The following NFIX variants were observed in gnomAD, a reference collection of about 807,000 sequenced individuals.
NFIX encodes the protein nuclear factor 1 X-type.
NFIX carries 2 observed loss-of-function variants against 53.3 expected under a neutral mutation model. That is an observed-to-expected ratio of 0.04 (90% CI 0.02 to 0.12). The LOEUF (loss-of-function observed/expected upper bound fraction) is 0.12. Ranked by LOEUF, NFIX falls within the 10% of genes least tolerant of loss-of-function variation. NFIX has a pLI of 1.00. For synonymous variants in NFIX, 244 were observed against 289.0 expected, an observed-to-expected ratio of 0.84 and a Z score of 1.58; for missense variants, 310 against 674.5, an observed-to-expected ratio of 0.46 and a Z score of 5.99.
Position 13,036,284 on chromosome 19 carries a change from G to A in NFIX, c.559+10732G>A, listed in dbSNP as rs1039890867. The stretch of plus-strand genomic sequence containing the variant: ...TCCTTTCTTAAAATGGGGGGATGAA[G>A]CGTCAGTCATGCTTCCAGGATTTAT... On this transcript the variant is annotated intron_variant, in intron 2 of 10. Coordinates refer to ENST00000592199, the MANE Select transcript of NFIX (RefSeq NM_001365902.3). The surrounding 1 kb of genome is among the most constrained non-coding windows in gnomAD (Gnocchi z 4.7). Among the ~76,000 whole-genome samples, 3 of 152,234 alleles carry A rather than the reference G, an allele frequency of 2.0e-5. No individual in the cohort carries two copies. Among genetic ancestry groups the A allele is most frequent in the Admixed American group, 2.0e-4 (3 of 15,286 alleles).
chr19:13,000,588 C>T (rs1249411809), intron 1 of NFIX, among the ~76,000 whole-genome samples: 1 of 151,960 alleles, frequency 6.6e-6, no homozygotes, highest in African/African-American at 2.4e-5. Context: ...GACGAGGCCT[C>T]CACTGTTCCA....
At chr19:13,086,180 A>G (rs998659913) in intron 8 of NFIX, among the ~76,000 whole-genome samples, 1 of 152,170 alleles carries the variant, frequency 6.6e-6, no homozygotes, top group South Asian at 2.1e-4. Flanking sequence ...TGGGAAGTGC[A>G]GAGGGGCGGT....
At chr19:13,035,726 T>G (rs1357406168) in intron 2 of NFIX, among the ~76,000 whole-genome samples, 1 of 152,174 alleles carries the variant, frequency 6.6e-6, no homozygotes, top group African/African-American at 2.4e-5. Flanking sequence ...CGCAGATCCA[T>G]GTTAGTTCTT....
rs2018026031 is a variant in NFIX, at chr19:13,089,808, G to T, written c.1403-491G>T. ...GGAAGGCCTTCCCGAAGCAGGGTGG[G>T]GCCGGACTGCCAAAGCCTCCACCCT... On this transcript the variant is annotated intron_variant, in intron 9 of 10. Coordinates refer to ENST00000592199, the MANE Select transcript of NFIX (RefSeq NM_001365902.3). The surrounding 1 kb of genome is among the most constrained non-coding windows in gnomAD (Gnocchi z 4.8). Among the ~76,000 whole-genome samples, 1 of 152,156 alleles carries T rather than the reference G, an allele frequency of 6.6e-6. No individual in the cohort carries two copies. The highest frequency in any genetic ancestry group is 6.5e-5 in the Admixed American group (1 of 15,288).
rs2012565394 is a variant in NFIX at position 13,014,806 on chromosome 19, G to C, written c.28-10215G>C. Among the ~76,000 whole-genome samples, 1 of 152,222 alleles carries C rather than the reference G, an allele frequency of 6.6e-6. No individual in the cohort carries two copies. Among genetic ancestry groups the C allele is most frequent in the South Asian group, 2.1e-4 (1 of 4,832 alleles). ...GGCCAGTGGCTGAGCACGGCCTGGA[G>C]AGATGTGGGAGTTGGGGAAAGGACT... On this transcript the variant is annotated intron_variant, in intron 1 of 10. Transcript: ENST00000592199. This position sits in a 1 kb window ranked among gnomAD's most constrained non-coding sequence, Gnocchi z 4.4.
rs983469229 is a variant in NFIX, at chr19:13,036,081, G to A, written c.559+10529G>A. ...GAAGTCAGGGCCTAAGCCTCAGCCT[G>A]CCCTGAGATCCCCACCAAGGGGGCT... On this transcript the variant is annotated intron_variant, in intron 2 of 10. Coordinates refer to ENST00000592199, the MANE Select transcript of NFIX (RefSeq NM_001365902.3). This position sits in a 1 kb window ranked among gnomAD's most constrained non-coding sequence, Gnocchi z 4.7. 1.8e-4 allele frequency among the ~76,000 whole-genome samples: 27 copies of A among 152,184 alleles called. No homozygotes were observed. Among genetic ancestry groups the A allele is most frequent in the African/African-American group, 6.5e-4 (27 of 41,446 alleles).
intron 2 of NFIX, among the ~76,000 whole-genome samples, chr19:13,071,884 A>T (rs2016796936): frequency 6.6e-6 from 1 of 152,170 alleles, no homozygotes; most frequent in Admixed American, 6.5e-5. Flanking sequence ...CAAGTGACTG[A>T]TGGGGTCCCT....
In NFIX at chr19:13,096,527, T is replaced by G. The variant is rs567871222; in HGVS notation, c.*1878T>G. 11 of 151,512 alleles carry G rather than the reference T, an allele frequency of 7.3e-5. No homozygotes were observed. Among genetic ancestry groups the G allele is most frequent in the African/African-American group, 2.4e-4 (10 of 41,244 alleles). The allele number at this position is 151,512 out of a possible 1,614,324, so 9.4% of individuals were successfully genotyped here. ...TCCCCCTGTCCTCAGCGTGCAGCCCTAGAGGACCCCAGGGCTGAGGGGCAG... is the reference window on the plus strand; with the variant it reads ...TCCCCCTGTCCTCAGCGTGCAGCCCGAGAGGACCCCAGGGCTGAGGGGCAG... On this transcript the variant is annotated 3_prime_UTR_variant, in exon 11 of 11. Coordinates refer to ENST00000592199, the MANE Select transcript of NFIX (RefSeq NM_001365902.3).
intron 1 of NFIX, among the ~76,000 whole-genome samples, chr19:13,017,652 C>T (rs1408642080): frequency 6.6e-6 from 1 of 152,164 alleles, no homozygotes; most frequent in South Asian, 2.1e-4. Context: ...CTGACCCCTC[C>T]GAAGGAGGGG....
intron 7 of NFIX, among the ~76,000 whole-genome samples, chr19:13,080,216 C>T (rs1224462610): frequency 1.3e-5 from 2 of 150,796 alleles, no homozygotes; most frequent in South Asian, 4.2e-4. Context: ...CAAACTATTG[C>T]AAAAAAAAGG....
rs543070655 is a variant in NFIX at position 13,012,438 on chromosome 19, C to T, written c.28-12583C>T. On this transcript the variant is annotated intron_variant, in intron 1 of 10. Coordinates refer to ENST00000592199, the MANE Select transcript of NFIX (RefSeq NM_001365902.3). The surrounding 1 kb of genome is among the most constrained non-coding windows in gnomAD (Gnocchi z 5.0). The stretch of plus-strand genomic sequence containing the variant: ...TTGCCGGGGCGCGGCCTGCCCCTCA[C>T]AGTGACCCCCCCGACCCACCCCCCA... Among the ~76,000 whole-genome samples, 38 of 152,276 alleles carry T rather than the reference C, an allele frequency of 2.5e-4. No homozygotes were observed. In the East Asian group the frequency reaches 6.4e-3, roughly 26 times the overall value.
chr19:13,057,048 G>A (rs528599002), intron 2 of NFIX, among the ~76,000 whole-genome samples: 1 of 152,342 alleles, frequency 6.6e-6, no homozygotes, highest in South Asian at 2.1e-4. Flanking sequence ...AGGGCTATGA[G>A]GGGAGGGAAC....
At chr19:13,039,039 A>G (rs1403227322) in intron 2 of NFIX, among the ~76,000 whole-genome samples, 3 of 152,154 alleles carry the variant, frequency 2.0e-5, no homozygotes, top group East Asian at 1.9e-4. Context: ...CCATTGCTCC[A>G]TGGAGCAATA....
intron 2 of NFIX, among the ~76,000 whole-genome samples, chr19:13,055,978 CGTGT>C (rs1181734841): frequency 1.3e-5 from 2 of 152,178 alleles, no homozygotes; most frequent in African/African-American, 4.8e-5. Context: ...GTTCCCTGTG[CGTGT>C]GAGTGGTCTG....
In NFIX at chr19:13,091,374, T is replaced by G. The variant is rs141831005; in HGVS notation, c.1494+984T>G. Among the ~76,000 whole-genome samples the G allele has an allele frequency of 4.2e-3, 625 of 147,818 alleles. 5 individuals carry two copies. Among genetic ancestry groups the G allele is most frequent in the African/African-American group, 0.014 (556 of 40,222 alleles). On this transcript the variant is annotated intron_variant, in intron 10 of 10. Coordinates refer to ENST00000592199, the MANE Select transcript of NFIX (RefSeq NM_001365902.3). Reference sequence around the variant, plus strand: ...GTGTGTGTGGTTTGAGATTGTTTTTTTTTTTTTCTTTTCCTTTCCTTCCCT... The same window carrying G: ...GTGTGTGTGGTTTGAGATTGTTTTTGTTTTTTTCTTTTCCTTTCCTTCCCT...
rs1437601893 is a variant in NFIX, at chr19:13,060,347, A to G, written c.560-12700A>G. On this transcript the variant is annotated intron_variant, in intron 2 of 10. Transcript: ENST00000592199. The surrounding 1 kb of genome is among the most constrained non-coding windows in gnomAD (Gnocchi z 4.3). ...AGCCTGAGGCCATTGGAAAGGGCCT[A>G]TATCTGGAACGGGTGAAGGAGAGAG... Among the ~76,000 whole-genome samples, 2 of 152,248 alleles carry G rather than the reference A, an allele frequency of 1.3e-5. No individual in the cohort carries two copies. The highest frequency in any genetic ancestry group is 1.5e-5 in the Non-Finnish European group (1 of 68,040).
At chr19:13,007,158 A>C in intron 1 of NFIX, among the ~76,000 whole-genome samples, 1 of 148,400 alleles carries the variant, frequency 6.7e-6, no homozygotes. Flanking sequence ...ATGGCTCACC[A>C]TTTTTGGCAT....
intron 2 of NFIX, among the ~76,000 whole-genome samples, chr19:13,064,112 T>C (rs2016258022): frequency 6.6e-6 from 1 of 152,118 alleles, no homozygotes; most frequent in South Asian, 2.1e-4. Context: ...TTTCTTGACA[T>C]GTGGGGTATG....
chr19:13,020,198 A>C (rs1384982797), intron 1 of NFIX, among the ~76,000 whole-genome samples: 1 of 152,132 alleles, frequency 6.6e-6, no homozygotes, highest in Non-Finnish European at 1.5e-5. Flanking sequence ...TGGGCTGGGA[A>C]CAGGTAATCT....
Sources: gnomAD v4.1 joint callset for allele counts (sites outside exome capture counted in the v4.1 genomes callset) on GRCh38, gnomAD v4.1.1 for gene constraint, Gnocchi (gnomAD v3.1) non-coding constraint, MANE v1.5 for transcripts, NCBI Gene and HGNC (gene_info 2026-07-23, HGNC 2026-07-21) for gene names.